The following DCTN1 variants were observed in gnomAD, a reference collection of about 807,000 sequenced individuals.
DCTN1 encodes 150 kDa dynein-associated polypeptide.
In DCTN1, 61 loss-of-function variants were observed where a neutral mutation model predicts 161.2. The observed-to-expected ratio is 0.38, with a 90% CI of 0.31 to 0.47. DCTN1 has a LOEUF of 0.47. Among genes scored for constraint, DCTN1 ranks in the 20% least tolerant of loss-of-function variants. DCTN1 has a pLI of 0.99. For synonymous variants in DCTN1, 653 were observed against 632.4 expected (o/e 1.03, Z -0.49); for missense variants, 1,404 against 1,623.7 (o/e 0.86, Z 2.33).
intron 7 of DCTN1, 36 bp downstream of exon 7, chr2:74,372,892 C>T (rs773475900): frequency 7.4e-6 from 12 of 1,611,046 alleles, no homozygotes; most frequent in African/African-American, 6.7e-5. Flanking sequence ...TGTGTGTACA[C>T]TCAGCAGTGG....
intron 30 of DCTN1, among the ~76,000 whole-genome samples, chr2:74,362,388 C>T (rs1287026143): frequency 1.3e-5 from 2 of 152,204 alleles, no homozygotes; most frequent in East Asian, 3.8e-4. Flanking sequence ...AACCGTTCTA[C>T]CCCACAATGA....
At position 74,368,423 on chromosome 2, in the gene DCTN1, T is replaced by C. The variant is rs987662008; in HGVS notation, c.1855-292A>G. On this transcript the variant is annotated intron_variant, in intron 16 of 31. Coordinates refer to ENST00000628224, the MANE Select transcript of DCTN1 (RefSeq NM_004082.5). ...CCTGCTATCTCTCCACCTAGAATGCTATCCTGCCCATCATCCCCAAGGTTA... is the reference window on the plus strand; with the variant it reads ...CCTGCTATCTCTCCACCTAGAATGCCATCCTGCCCATCATCCCCAAGGTTA... The C allele has an allele frequency of 6.6e-6, 4 of 604,890 alleles. No individual in the cohort carries two copies. In the African/African-American group the frequency reaches 7.4e-5, roughly 11 times the overall value. The allele number at this position is 604,890 out of a possible 1,614,324, so 37.5% of individuals were successfully genotyped here. A position where few individuals can be genotyped will look rare whatever the true frequency, so the allele number is the denominator to read the frequency against.
At position 74,369,244 on chromosome 2, in the gene DCTN1, G is replaced by A. The variant is rs768751440; in HGVS notation, c.1585-30C>T. ...GAGGAGAGACAGTGAAGCACAGCTG[G>A]GTCATAAGGAAGCCCTGGGGTGATG... is the stretch of plus-strand genomic sequence containing the variant. On this transcript the variant is annotated intron_variant, in intron 14 of 31. Coordinates refer to ENST00000628224, the MANE Select transcript of DCTN1 (RefSeq NM_004082.5). This position sits in a 1 kb window ranked among gnomAD's most constrained non-coding sequence, Gnocchi z 4.9. 1.9e-6 allele frequency: 3 copies of A among 1,614,020 alleles called. No homozygotes were observed. The highest frequency in any genetic ancestry group is 3.3e-5 in the Admixed American group (2 of 60,010).
Position 74,362,695 on chromosome 2 carries a change from T to G in DCTN1, c.3564A>C (p.Gln1188His). ...CACTCAGGGACTTAAGCTGAGCCAC[T>G]TGCTCCATAAGTTGGGCCGACGGGC... Reference protein sequence around the residue: ...AKSPSAQLMEQVAQLKSLSDT... With the variant: ...AKSPSAQLMEHVAQLKSLSDT... Residue 1188 changes from glutamine to histidine, a missense_variant, in exon 30 of 32, where the codon CAA becomes CAC. Gln to His is a conservative substitution (Grantham distance 24). This residue lies in a region of DCTN1 where 311 missense variants were observed against 298.9 expected (regional missense o/e 1.04). Coordinates refer to ENST00000628224, the MANE Select transcript of DCTN1 (RefSeq NM_004082.5). 2 of 1,614,010 alleles carry G rather than the reference T, an allele frequency of 1.2e-6. No homozygotes were observed. Among genetic ancestry groups the G allele is most frequent in the Non-Finnish European group, 1.7e-6 (2 of 1,179,982 alleles).
At chr2:74,362,382 G>A (rs1674073932) in intron 30 of DCTN1, among the ~76,000 whole-genome samples, 2 of 152,104 alleles carry the variant, frequency 1.3e-5, no homozygotes, top group South Asian at 4.1e-4. Context: ...ATGCCCAACC[G>A]TTCTACCCCA....
At position 74,370,198 on chromosome 2, in the gene DCTN1, C is replaced by T. The variant is rs760831162; in HGVS notation, c.1275G>A (p.Glu425=). Residue 425 remains glutamate, a synonymous_variant, in exon 12 of 32, where the codon GAG becomes GAA. Transcript: ENST00000628224. The surrounding 1 kb of genome is among the most constrained non-coding windows in gnomAD (Gnocchi z 4.4). ...GGGCTCCCCAGACCTGCTCCTTGAG[C>T]TCATCAATGGTGCTCTCTGCCTGGC... is the stretch of plus-strand genomic sequence containing the variant. ...ELSQAESTID[E]LKEQVDAALG... 3.1e-6 allele frequency: 5 copies of T among 1,613,782 alleles called. No homozygotes were observed. The highest frequency in any genetic ancestry group is 1.3e-5 in the African/African-American group (1 of 74,940).
intron 1 of DCTN1, chr2:74,391,117 T>G (rs1242873607): frequency 2.0e-5 from 3 of 152,964 alleles, no homozygotes; most frequent in Admixed American, 2.0e-4. Flanking sequence ...GCTTAGGCTT[T>G]GGCAGTACAT....
At chr2:74,375,680 A>C (rs1047989898) in intron 5 of DCTN1, among the ~76,000 whole-genome samples, 4 of 152,186 alleles carry the variant, frequency 2.6e-5, no homozygotes, top group African/African-American at 9.7e-5. Context: ...GACAATAATC[A>C]AAGGACAAAG....
chr2:74,369,945 G>C lies in DCTN1; in HGVS notation c.1392+20C>G. ...CTCAGCAGGTCCAAGTCAGATGTCA[G>C]GGGTCTGCTCTTCTCTTACCAAGTC... On this transcript the variant is annotated intron_variant, in intron 13 of 31. Coordinates refer to ENST00000628224, the MANE Select transcript of DCTN1 (RefSeq NM_004082.5). The surrounding 1 kb of genome is among the most constrained non-coding windows in gnomAD (Gnocchi z 4.9). 6.2e-7 allele frequency: 1 copy of C among 1,610,884 alleles called. No individual in the cohort carries two copies. Among genetic ancestry groups the C allele is most frequent in the South Asian group, 1.1e-5 (1 of 91,006 alleles).
rs775294408 is a variant in DCTN1 at position 74,370,999 on chromosome 2, G to A, written c.823C>T (p.Arg275Cys). Residue 275 changes from arginine to cysteine, a missense_variant, in exon 9 of 32, where the codon CGC becomes TGC. By Grantham distance (180) the Arg-to-Cys change is radical. Coordinates refer to ENST00000628224, the MANE Select transcript of DCTN1 (RefSeq NM_004082.5). This position sits in a 1 kb window ranked among gnomAD's most constrained non-coding sequence, Gnocchi z 4.4. ...CAAACCTTTCTCGCCTCCTTGAGGC[G>A]CCGCTGCAGGTCGGCCTGCTGCTCC... ...MQEQQADLQRRLKEARKEAKE... is the reference protein window; with the variant it reads ...MQEQQADLQRCLKEARKEAKE... 53 of 1,613,852 alleles carry A rather than the reference G, an allele frequency of 3.3e-5. No individual in the cohort carries two copies. The highest frequency in any genetic ancestry group is 8.9e-5 in the East Asian group (4 of 44,892).
chr2:74,363,407 G>T lies in DCTN1; in HGVS notation c.3232C>A (p.Pro1078Thr), dbSNP rs1674167618. 1 of 1,612,420 alleles carries T rather than the reference G, an allele frequency of 6.2e-7. No homozygotes were observed. The highest frequency in any genetic ancestry group is 1.3e-5 in the African/African-American group (1 of 74,890). Residue 1078 changes from proline to threonine, a missense_variant, in exon 28 of 32, where the codon CCA (proline) becomes ACA (threonine). By Grantham distance (38) the Pro-to-Thr change is conservative (BLOSUM62 -1). Around this residue, in one of 9 missense-constraint regions of DCTN1, gnomAD observed 311 missense variants for 298.9 expected, o/e 1.04. Coordinates refer to ENST00000628224, the MANE Select transcript of DCTN1 (RefSeq NM_004082.5). ...AGCCCTGGGCCTGGCACAGACCCTG[G>T]AGCCTGCCCAGGGATGGCTCCTGTG... Reference protein sequence around the residue: ...QQRGAIPGQAPGSVPGPGLVK... With the variant: ...QQRGAIPGQATGSVPGPGLVK...
At chr2:74,376,551 T>G (rs1365771042) in intron 5 of DCTN1, among the ~76,000 whole-genome samples, 191 bp downstream of exon 5, 1 of 152,238 alleles carries the variant, frequency 6.6e-6, no homozygotes, top group African/African-American at 2.4e-5. Flanking sequence ...GAGTGCTACC[T>G]GGGTATGGAC....
In DCTN1 at chr2:74,361,516, T is replaced by G. The variant is rs1479744734; in HGVS notation, c.3820A>C (p.Ser1274Arg). ...LTQEQLHQLH[S>R]RLIS is the part of the protein sequence containing the mutation. ...AGGAGTGCTTAGGAGATGAGGCGAC[T>G]GTGAAGCTGGTGCAGCTGCTCCTGG... is the stretch of plus-strand genomic sequence containing the variant. Residue 1274 changes from serine to arginine, a missense_variant, in exon 32 of 32, where the codon AGT becomes CGT. Ser to Arg is a moderately radical substitution (Grantham distance 110, BLOSUM62 -1). Coordinates refer to ENST00000628224, the MANE Select transcript of DCTN1 (RefSeq NM_004082.5). 3 of 1,613,986 alleles carry G rather than the reference T, an allele frequency of 1.9e-6. No individual in the cohort carries two copies. The highest frequency in any genetic ancestry group is 2.5e-6 in the Non-Finnish European group (3 of 1,180,014).
intron 5 of DCTN1, chr2:74,374,616 CCGGAG>C: frequency 8.0e-7 from 1 of 1,250,526 alleles, no homozygotes; most frequent in Non-Finnish European, 1.0e-6. Context: ...CCGGCAGGCA[CCGGAG>C]CGGTGCCTGG....
chr2:74,380,372 C>G (rs1675460778), upstream of DCTN1: 1 of 513,476 alleles, frequency 1.9e-6, no homozygotes, highest in African/African-American at 1.9e-5. Flanking sequence ...TAGTGCCCCC[C>G]TGCTTCACGT....
At chr2:74,363,253 T>C (rs776135949) in intron 28 of DCTN1, 41 bp downstream of exon 28, 4 of 1,614,072 alleles carry the variant, frequency 2.5e-6, no homozygotes, top group South Asian at 2.2e-5. Context: ...GGGGCAAATA[T>C]GCTCCATCTC....
At chr2:74,379,970 G>A in intron 1 of DCTN1, 35 bp downstream of exon 1, 2 of 1,611,142 alleles carry the variant, frequency 1.2e-6, no homozygotes, top group Non-Finnish European at 1.7e-6. Context: ...TTCCCCAGCA[G>A]CCCTCCAGGG....
Position 74,369,041 on chromosome 2 carries a change from G to T in DCTN1, c.1701+57C>A. On this transcript the variant is annotated intron_variant, in intron 15 of 31. Coordinates refer to ENST00000628224, the MANE Select transcript of DCTN1 (RefSeq NM_004082.5). The surrounding 1 kb of genome is among the most constrained non-coding windows in gnomAD (Gnocchi z 4.9). ...CCTTCCCCCAGGAATCTGAAGCCCA[G>T]ACCCCATACCAGTTCATCCCAGGCA... is the stretch of plus-strand genomic sequence containing the variant. The T allele has an allele frequency of 6.3e-7, 1 of 1,587,106 alleles. No individual in the cohort carries two copies.
chr2:74,389,456 C>T (rs1284435041), intron 1 of DCTN1, among the ~76,000 whole-genome samples: 1 of 152,134 alleles, frequency 6.6e-6, no homozygotes, highest in Non-Finnish European at 1.5e-5. Flanking sequence ...CAACCTATAA[C>T]TCCAAGCAGC....
Sources: gnomAD v4.1 joint callset for allele counts (sites outside exome capture counted in the v4.1 genomes callset) on GRCh38, gnomAD v4.1.1 for gene constraint, gnomAD v4.1.1 regional missense constraint, Gnocchi (gnomAD v3.1) non-coding constraint, MANE v1.5 for transcripts, NCBI Gene and HGNC (gene_info 2026-07-23, HGNC 2026-07-21) for gene names.